TUBAL3: variants seen among roughly 807,000 people sequenced by gnomAD.
TUBAL3 encodes the protein tubulin alpha chain-like 3.
Under a neutral mutation model 15.5 loss-of-function variants are expected in TUBAL3, and 16 were observed. The ratio of observed to expected loss-of-function variants is 1.04; its 90% CI spans 0.70 to 1.57. TUBAL3 has a LOEUF of 1.57. Ranked by LOEUF, TUBAL3 falls within the 40% of genes most tolerant of loss-of-function variation. The pLI is 0.00. For missense variants in TUBAL3, 609 were observed against 576.2 expected, an observed-to-expected ratio of 1.06 and a Z score of -0.58; for synonymous variants, 238 against 224.3, an observed-to-expected ratio of 1.06 and a Z score of -0.55.
At chr10:5,404,695 A>G (rs938919305) in intron 1 of TUBAL3, 95 bp downstream of exon 1, 2 of 1,297,992 alleles carry the variant, frequency 1.5e-6, no homozygotes, top group Non-Finnish European at 2.2e-6. Context: ...CTTCTCTTGC[A>G]TTACAATTTT....
At chr10:5,404,600 A>G (rs1831902657) in intron 1 of TUBAL3, among the ~76,000 whole-genome samples, 190 bp downstream of exon 1, 1 of 152,238 alleles carries the variant, frequency 6.6e-6, no homozygotes, top group African/African-American at 2.4e-5. Context: ...GCAACATTAC[A>G]GAGGAATAGA....
Position 5,393,676 on chromosome 10 carries a change from G to A in TUBAL3, c.1182C>T (p.Ala394=). 6.2e-7 allele frequency: 1 copy of A among 1,614,178 alleles called. No homozygotes were observed. The highest frequency in any genetic ancestry group is 8.5e-7 in the Non-Finnish European group (1 of 1,180,040). Residue 394 remains alanine, a synonymous_variant, in exon 4 of 4, where the codon GCC becomes GCT. Coordinates refer to ENST00000380419, the MANE Select transcript of TUBAL3 (RefSeq NM_024803.3). The part of the protein sequence containing the change: ...MLSNTTAIVE[A]WARLDHKFDL... ...CAAACTTGTGGTCCAGGCGGGCCCA[G>A]GCCTCCACAATCGCCGTGGTGTTGC...
At chr10:5,402,141 T>C (rs1207053406) in intron 1 of TUBAL3, among the ~76,000 whole-genome samples, 1 of 152,234 alleles carries the variant, frequency 6.6e-6, no homozygotes, top group Non-Finnish European at 1.5e-5. Flanking sequence ...AGTTTAGTAA[T>C]ATCTGGGTAG....
At chr10:5,398,348 A>G (rs1564451452) in intron 2 of TUBAL3, among the ~76,000 whole-genome samples, 1 of 144,162 alleles carries the variant, frequency 6.9e-6, no homozygotes, top group Non-Finnish European at 1.5e-5. Flanking sequence ...TGAACCCGGG[A>G]GGCACAGGTT....
At chr10:5,399,366 T>C (rs537417805) in intron 2 of TUBAL3, among the ~76,000 whole-genome samples, 3 of 152,314 alleles carry the variant, frequency 2.0e-5, no homozygotes, top group Non-Finnish European at 4.4e-5. Flanking sequence ...GACTTCATTA[T>C]GGGATTAGGG....
At chr10:5,402,191 C>A (rs1297280715) in intron 1 of TUBAL3, among the ~76,000 whole-genome samples, 1 of 152,144 alleles carries the variant, frequency 6.6e-6, no homozygotes, top group East Asian at 1.9e-4. Flanking sequence ...ATTTCTTCCA[C>A]CTTCATATTC....
At position 5,395,195 on chromosome 10, in the gene TUBAL3, G is replaced by A. The variant is rs1831743885; in HGVS notation, c.396+132C>T. The stretch of plus-strand genomic sequence containing the variant: ...AAGATGAGAACCCCTCCCCAGTTCT[G>A]AGCACCCAGACCAGAGCCCAGGGAG... On this transcript the variant is annotated intron_variant, in intron 3 of 3. Transcript: ENST00000380419. This position sits in a 1 kb window ranked among gnomAD's most constrained non-coding sequence, Gnocchi z 4.6. The A allele has an allele frequency of 1.0e-6, 1 of 980,608 alleles. No individual in the cohort carries two copies. The allele number at this position is 980,608 out of a possible 1,614,324, so 60.7% of individuals were successfully genotyped here.
chr10:5,404,077 T>G (rs182418700), intron 1 of TUBAL3, among the ~76,000 whole-genome samples: 10 of 152,352 alleles, frequency 6.6e-5, no homozygotes, highest in African/African-American at 2.2e-4. Context: ...CACAAGTCTC[T>G]CTCATGTTGA....
intron 1 of TUBAL3, 137 bp from the exon 2 acceptor site, chr10:5,401,224 A>G: frequency 9.1e-7 from 1 of 1,097,322 alleles, no homozygotes; most frequent in East Asian, 2.5e-5. Flanking sequence ...AGGATAATCA[A>G]AAGCGTTTCA....
At chr10:5,404,749 T>C (rs200621685) in intron 1 of TUBAL3, 41 bp downstream of exon 1, 6 of 1,611,008 alleles carry the variant, frequency 3.7e-6, no homozygotes, top group Non-Finnish European at 5.1e-6. Flanking sequence ...ATATGATTAG[T>C]AAAATTTCCT....
At chr10:5,399,664 T>A (rs1368020712) in intron 2 of TUBAL3, among the ~76,000 whole-genome samples, 1 of 152,204 alleles carries the variant, frequency 6.6e-6, no homozygotes, top group Non-Finnish European at 1.5e-5. Flanking sequence ...GCTGAAGTGT[T>A]TATGGGGTTG....
intron 2 of TUBAL3, 126 bp downstream of exon 2, chr10:5,400,718 C>G: frequency 1.7e-6 from 2 of 1,191,098 alleles, no homozygotes; most frequent in Non-Finnish European, 2.4e-6. Context: ...CTGAGTAAGC[C>G]TCTACATTTG....
rs1449981008 is a variant in TUBAL3 at position 5,393,388 on chromosome 10, A to T, written c.*129T>A. On this transcript the variant is annotated 3_prime_UTR_variant, in exon 4 of 4. Transcript: ENST00000380419. Reference sequence around the variant, plus strand: ...ACTGACCCACTTAATTTAGTGTGGAACCTAGAGTCTTGCCTGATTTGAGTT... The same window carrying T: ...ACTGACCCACTTAATTTAGTGTGGATCCTAGAGTCTTGCCTGATTTGAGTT... 2.7e-6 allele frequency: 2 copies of T among 743,484 alleles called. No homozygotes were observed. The highest frequency in any genetic ancestry group is 3.5e-5 in the African/African-American group (2 of 56,866). The allele number at this position is 743,484 out of a possible 1,614,324, so 46.1% of individuals were successfully genotyped here. A position where few individuals can be genotyped will look rare whatever the true frequency, so the allele number is the denominator to read the frequency against.
intron 2 of TUBAL3, among the ~76,000 whole-genome samples, chr10:5,399,079 G>T (rs1410979534): frequency 6.6e-6 from 1 of 152,146 alleles, no homozygotes; most frequent in Non-Finnish European, 1.5e-5. Flanking sequence ...ACCAAACCCA[G>T]CTCTACTCTA....
At position 5,394,229 on chromosome 10, in the gene TUBAL3, AT is replaced by A. The variant is rs1462748346; in HGVS notation, c.628del (p.Met210TrpfsTer46). ...ATCATAGACGGCCTCGTTGTCCACC[AT>A]GAAGGTACAGTCCGTGTGCTCTGTG... Reference protein sequence around the residue: ...STTEHTDCTFMVDNEAVYDIC... With the variant: ...STTEHTDCTFXVDNEAVYDIC... On this transcript the variant is annotated frameshift_variant, in exon 4 of 4. Coordinates refer to ENST00000380419, the MANE Select transcript of TUBAL3 (RefSeq NM_024803.3). LOFTEE classifies it low-confidence loss of function (END_TRUNC). The surrounding 1 kb of genome is among the most constrained non-coding windows in gnomAD (Gnocchi z 4.3). 1 of 1,614,084 alleles carries A rather than the reference AT, an allele frequency of 6.2e-7. No individual in the cohort carries two copies.
At chr10:5,400,810 A>C in intron 2 of TUBAL3, 34 bp downstream of exon 2, 1 of 1,612,190 alleles carries the variant, frequency 6.2e-7, no homozygotes, top group South Asian at 1.1e-5. Context: ...GTGTGGCTCC[A>C]GTTAAGTATG....
Position 5,397,578 on chromosome 10 carries a change from A to G in TUBAL3, c.248-2103T>C, listed in dbSNP as rs782530451. Among the ~76,000 whole-genome samples, 3 of 152,210 alleles carry G rather than the reference A, an allele frequency of 2.0e-5. No homozygotes were observed. The highest frequency in any genetic ancestry group is 2.9e-5 in the Non-Finnish European group (2 of 68,036). ...ATAGTGGTTGCAGCACCTGCCGTTCATAAGTAATCCATGCCATCCACTCTA... is the reference window on the plus strand; with the variant it reads ...ATAGTGGTTGCAGCACCTGCCGTTCGTAAGTAATCCATGCCATCCACTCTA... On this transcript the variant is annotated intron_variant, in intron 2 of 3. Coordinates refer to ENST00000380419, the MANE Select transcript of TUBAL3 (RefSeq NM_024803.3). The surrounding 1 kb of genome is among the most constrained non-coding windows in gnomAD (Gnocchi z 4.9).
At chr10:5,400,597 C>T (rs1831834539) in intron 2 of TUBAL3, among the ~76,000 whole-genome samples, 1 of 152,192 alleles carries the variant, frequency 6.6e-6, no homozygotes, top group South Asian at 2.1e-4. Context: ...CGCTACTGCA[C>T]TCCTGCCTGA....
At chr10:5,398,401 A>AT (rs1162358691) in intron 2 of TUBAL3, among the ~76,000 whole-genome samples, 13 of 148,048 alleles carry the variant, frequency 8.8e-5, no homozygotes, top group Admixed American at 8.1e-4. Flanking sequence ...GCCTGGGCAA[A>AT]AAGAGCAAAA....
Sources: gnomAD v4.1 joint callset for allele counts (sites outside exome capture counted in the v4.1 genomes callset) on GRCh38, gnomAD v4.1.1 for gene constraint, Gnocchi (gnomAD v3.1) non-coding constraint, MANE v1.5 for transcripts, NCBI Gene and HGNC (gene_info 2026-07-23, HGNC 2026-07-21) for gene names.